NUP153: variants seen among roughly 807,000 people sequenced by gnomAD.
NUP153 encodes nucleoporin 153.
NUP153 carries 27 observed loss-of-function variants against 134.6 expected under a neutral mutation model. The ratio of observed to expected loss-of-function variants is 0.20; its 90% CI spans 0.15 to 0.28. NUP153 has a LOEUF of 0.28. Among genes scored for constraint, NUP153 ranks in the 10% least tolerant of loss-of-function variants. The pLI is 1.00. For synonymous variants in NUP153, 640 were observed against 623.5 expected, an observed-to-expected ratio of 1.03 and a Z score of -0.40; for missense variants, 1,821 against 1,731.3, an observed-to-expected ratio of 1.05 and a Z score of -0.92.
intron 5 of NUP153, among the ~76,000 whole-genome samples, chr6:17,674,535 G>A (rs1330368374): frequency 1.3e-5 from 2 of 152,120 alleles, no homozygotes; most frequent in Admixed American, 6.6e-5. Context: ...TTGGGAGGCC[G>A]GGGTGGGCGC....
In NUP153 at chr6:17,684,180, A is replaced by G. The variant is rs575141339; in HGVS notation, c.334+4216T>C. On this transcript the variant is annotated intron_variant, in intron 2 of 21. Coordinates refer to ENST00000262077, the MANE Select transcript of NUP153 (RefSeq NM_005124.4). Reference sequence around the variant, plus strand: ...AGTTTGCAGAACCATGAGCCAAATAAGCCTCTTTTCTTTATAAATTACCCA... The same window carrying G: ...AGTTTGCAGAACCATGAGCCAAATAGGCCTCTTTTCTTTATAAATTACCCA... Among the ~76,000 whole-genome samples the G allele has an allele frequency of 2.6e-5, 4 of 152,342 alleles. No individual in the cohort carries two copies. The East Asian group carries it at 5.8e-4, about 22-fold the overall frequency.
intron 11 of NUP153, chr6:17,651,985 C>G (rs1766517183): frequency 1.9e-6 from 1 of 526,102 alleles, no homozygotes; most frequent in Non-Finnish European, 3.6e-6. Context: ...GTCCCAGCTA[C>G]TTGGGAGGCT....
chr6:17,667,314 A>G (rs1204481107), intron 8 of NUP153, among the ~76,000 whole-genome samples: 1 of 152,214 alleles, frequency 6.6e-6, no homozygotes, highest in African/African-American at 2.4e-5. Flanking sequence ...TCAGAATTTC[A>G]TTACAGATAA....
chr6:17,672,952 AT>A (rs1364527216), intron 5 of NUP153, among the ~76,000 whole-genome samples: 4 of 152,330 alleles, frequency 2.6e-5, no homozygotes, highest in Admixed American at 1.3e-4. Context: ...AGAAGAAAAC[AT>A]AAGACAAAAT....
At chr6:17,646,440 T>C (rs958673923) in intron 13 of NUP153, among the ~76,000 whole-genome samples, 45 of 152,116 alleles carry the variant, frequency 3.0e-4, no homozygotes, top group Non-Finnish European at 5.4e-4. Flanking sequence ...TCTACTGACC[T>C]TGTGATCCGC....
At chr6:17,644,812 G>A (rs926076234) in intron 14 of NUP153, among the ~76,000 whole-genome samples, 18 of 152,068 alleles carry the variant, frequency 1.2e-4, no homozygotes, top group Non-Finnish European at 2.1e-4. Flanking sequence ...GGGGCAGGGC[G>A]CGGTGGTTCA....
chr6:17,676,405 C>A lies in NUP153; in HGVS notation c.335-635G>T, dbSNP rs138648653. On this transcript the variant is annotated intron_variant, in intron 2 of 21. Transcript: ENST00000262077. ...AATGATGTATCTTTATACTTCTGCACGAGTACCAAATGTTTTAAATATTAT... is the reference window on the plus strand; with the variant it reads ...AATGATGTATCTTTATACTTCTGCAAGAGTACCAAATGTTTTAAATATTAT... 1.2e-4 allele frequency among the ~76,000 whole-genome samples: 18 copies of A among 147,140 alleles called. 1 individual carries two copies. The East Asian group carries it at 3.2e-3, about 27-fold the overall frequency.
chr6:17,677,656 G>C (rs1768300387), intron 2 of NUP153, among the ~76,000 whole-genome samples: 2 of 151,274 alleles, frequency 1.3e-5, no homozygotes, highest in South Asian at 4.2e-4. Flanking sequence ...TCTCCTTTAT[G>C]TCCCTCAGTG....
intron 1 of NUP153, among the ~76,000 whole-genome samples, chr6:17,690,913 G>A (rs933134648): frequency 3.3e-5 from 5 of 152,114 alleles, no homozygotes; most frequent in Admixed American, 2.6e-4. Context: ...GCCGAGGTGG[G>A]TGGATCATGA....
chr6:17,661,559 C>G (rs1767181653), intron 11 of NUP153, 94 bp downstream of exon 11: 10 of 1,230,488 alleles, frequency 8.1e-6, no homozygotes, highest in Non-Finnish European at 1.1e-5. Context: ...TGCTCTGGGT[C>G]TCTTCGAACC....
intron 7 of NUP153, 122 bp downstream of exon 7, chr6:17,669,171 C>A: frequency 1.9e-6 from 2 of 1,049,588 alleles, no homozygotes; most frequent in Admixed American, 2.3e-5. Context: ...CTCTGCCTCC[C>A]AAGTTCAAGT....
chr6:17,635,441 A>T (rs1353232268), intron 16 of NUP153, among the ~76,000 whole-genome samples: 1 of 151,792 alleles, frequency 6.6e-6, no homozygotes, highest in Admixed American at 6.6e-5. Flanking sequence ...TCACTCTGTC[A>T]CCCAGGCTGA....
intron 14 of NUP153, 53 bp downstream of exon 14, chr6:17,646,014 A>C: frequency 1.4e-6 from 1 of 720,866 alleles, no homozygotes. Context: ...CTGAAATACT[A>C]ATCTACTGTA....
At chr6:17,699,189 ATTTTTT>A (rs61553664) in intron 1 of NUP153, among the ~76,000 whole-genome samples, 1 of 149,516 alleles carries the variant, frequency 6.7e-6, no homozygotes, top group South Asian at 2.1e-4. Flanking sequence ...GCTACAAATA[ATTTTTT>A]TTTTTTTTAA....
At chr6:17,618,739 G>C (rs1006823868) in intron 20 of NUP153, among the ~76,000 whole-genome samples, 8 of 152,000 alleles carry the variant, frequency 5.3e-5, no homozygotes, top group Admixed American at 3.9e-4. Flanking sequence ...CTAATTTTTT[G>C]TATTTCTTAG....
intron 2 of NUP153, among the ~76,000 whole-genome samples, chr6:17,682,844 G>A (rs1481919647): frequency 6.6e-6 from 1 of 151,272 alleles, no homozygotes; most frequent in Non-Finnish European, 1.5e-5. Context: ...CTTTATCGCA[G>A]GAGGCTGAAG....
In NUP153 at chr6:17,706,455, T is replaced by C. The variant is rs533376379; in HGVS notation, c.-68A>G. On this transcript the variant is annotated 5_prime_UTR_variant, in exon 1 of 22. Transcript: ENST00000262077. This position sits in a 1 kb window ranked among gnomAD's most constrained non-coding sequence, Gnocchi z 5.9. ...GCGGGAGAGGCAGAGGCGGAGGCCT[T>C]AGAGAGCCTCCCCCGCCGCCCGGCC... The C allele has an allele frequency of 3.9e-6, 5 of 1,268,014 alleles. No individual in the cohort carries two copies. The highest frequency in any genetic ancestry group is 1.5e-5 in the African/African-American group (1 of 66,652). 78.5% of individuals were successfully genotyped at this position (1,268,014 alleles called of 1,614,324 possible). A position where few individuals can be genotyped will look rare whatever the true frequency, so the allele number is the denominator to read the frequency against.
intron 2 of NUP153, among the ~76,000 whole-genome samples, chr6:17,686,987 T>C (rs1484632724): frequency 6.6e-6 from 1 of 152,054 alleles, no homozygotes; most frequent in Non-Finnish European, 1.5e-5. Flanking sequence ...TCAGAAGTTA[T>C]ACAAAAAAGC....
intron 1 of NUP153, among the ~76,000 whole-genome samples, chr6:17,704,118 C>A (rs531548925): frequency 1.5e-3 from 226 of 152,272 alleles, no homozygotes; most frequent in Non-Finnish European, 2.7e-3. Context: ...TGGTGAAACC[C>A]CGTCTCTACT....
Sources: allele counts gnomAD v4.1 joint callset (sites outside exome capture counted in the v4.1 genomes callset), GRCh38; gene constraint gnomAD v4.1.1; non-coding constraint Gnocchi (gnomAD v3.1); transcripts MANE v1.5; gene names NCBI Gene and HGNC (gene_info 2026-07-23, HGNC 2026-07-21).